Variants in BBX observed in about 807,000 individuals in gnomAD.
BBX encodes HMG box transcription factor BBX.
Under a neutral mutation model 100.2 loss-of-function variants are expected in BBX, and 30 were observed. The observed-to-expected ratio is 0.30, with a 90% CI of 0.22 to 0.41. BBX has a LOEUF of 0.41. Ranked by LOEUF, BBX falls within the 10% of genes least tolerant of loss-of-function variation. The pLI is 1.00. For synonymous variants in BBX, 376 were observed against 388.1 expected, an observed-to-expected ratio of 0.97 and a Z score of 0.37; for missense variants, 1,023 against 1,129.8, an observed-to-expected ratio of 0.91 and a Z score of 1.35.
chr3:107,732,853 T>TGTTGGATTTCTGATTGCTA, intron 6 of BBX, 103 bp from the exon 7 acceptor site: 1 of 919,884 alleles, frequency 1.1e-6, no homozygotes, highest in Non-Finnish European at 1.7e-6. Flanking sequence ...TATGTGGTTC[T>TGTTGGATTTCTGATTGCTA]GTTGGATTTC....
intron 2 of BBX, among the ~76,000 whole-genome samples, chr3:107,631,544 A>T (rs1015512892): frequency 1.9e-5 from 1 of 51,392 alleles, no homozygotes; most frequent in Non-Finnish European, 5.2e-5. Context: ...AGAATTAGTT[A>T]AAAAAAAAAA....
intron 2 of BBX, chr3:107,641,873 A>G (rs1453497422): frequency 6.6e-6 from 1 of 152,222 alleles, no homozygotes; most frequent in Non-Finnish European, 1.5e-5. Flanking sequence ...GGGTAATTTT[A>G]ACAAAAGTTT....
At chr3:107,603,214 T>C (rs1163077168) in intron 2 of BBX, among the ~76,000 whole-genome samples, 4 of 152,088 alleles carry the variant, frequency 2.6e-5, no homozygotes, top group African/African-American at 4.8e-5. Flanking sequence ...TCCACCTGCC[T>C]CGGCCTCCCA....
At chr3:107,575,963 C>G (rs999089770) in intron 2 of BBX, among the ~76,000 whole-genome samples, 1 of 152,114 alleles carries the variant, frequency 6.6e-6, no homozygotes, top group Non-Finnish European at 1.5e-5. Flanking sequence ...TTGAACCCGG[C>G]AGGTCGAGGC....
rs1182407229 is a variant in BBX, at chr3:107,773,789, T to G, written c.1915+153T>G. Among the ~76,000 whole-genome samples the G allele has an allele frequency of 6.6e-6, 1 of 152,226 alleles. No individual in the cohort carries two copies. The highest frequency in any genetic ancestry group is 1.5e-5 in the Non-Finnish European group (1 of 68,046). On this transcript the variant is annotated intron_variant, in intron 11 of 17. Coordinates refer to ENST00000325805, the MANE Select transcript of BBX (RefSeq NM_001142568.3). The surrounding 1 kb of genome is among the most constrained non-coding windows in gnomAD (Gnocchi z 4.1). ...TTTATGGTTTATAGATCATAATTAT[T>G]TGTTACTTTACTTACATGTTTTCTA... is the stretch of plus-strand genomic sequence containing the variant.
In BBX at chr3:107,801,286, G is replaced by C; in HGVS notation, c.2738+5G>C. 2.5e-6 allele frequency: 4 copies of C among 1,611,040 alleles called. No homozygotes were observed. The highest frequency in any genetic ancestry group is 3.4e-6 in the Non-Finnish European group (4 of 1,178,300). On this transcript the variant is annotated splice_donor_5th_base_variant and intron_variant, in intron 17 of 17. Transcript: ENST00000325805. ...AGCCATGGAAAATGTGCACAGGTTA[G>C]TGGTAGAAGGTGGAAGGAGAAAGCA...
intron 13 of BBX, among the ~76,000 whole-genome samples, chr3:107,783,972 A>G (rs1311325202): frequency 6.6e-6 from 1 of 152,082 alleles, no homozygotes; most frequent in Non-Finnish European, 1.5e-5. Context: ...GATTTATGGT[A>G]TCAGTAATAA....
intron 9 of BBX, among the ~76,000 whole-genome samples, chr3:107,751,788 T>G (rs2107652163): frequency 6.6e-6 from 1 of 152,274 alleles, no homozygotes; most frequent in South Asian, 2.1e-4. Flanking sequence ...TGTCTCCCAT[T>G]CCAAGGTGAG....
intron 3 of BBX, among the ~76,000 whole-genome samples, chr3:107,648,489 A>G (rs528800882): frequency 3.3e-5 from 5 of 152,154 alleles, no homozygotes; most frequent in Non-Finnish European, 7.4e-5. Context: ...ATATTATCTA[A>G]TTTGATATAG....
At chr3:107,662,465 A>G (rs1289855775) in intron 3 of BBX, 1 of 152,156 alleles carries the variant, frequency 6.6e-6, no homozygotes, top group African/African-American at 2.4e-5. Flanking sequence ...CTTTCCATAA[A>G]CATAATTGGT....
intron 2 of BBX, among the ~76,000 whole-genome samples, chr3:107,597,774 G>A (rs1235841276): frequency 6.6e-6 from 1 of 152,214 alleles, no homozygotes; most frequent in Non-Finnish European, 1.5e-5. Flanking sequence ...AAGAGTGATT[G>A]ATTAGGGCCA....
chr3:107,787,753 A>C (rs1033060276), intron 13 of BBX, among the ~76,000 whole-genome samples: 1 of 152,168 alleles, frequency 6.6e-6, no homozygotes, highest in African/African-American at 2.4e-5. Context: ...AGTGGTCTGA[A>C]GATAGTTAAG....
intron 3 of BBX, among the ~76,000 whole-genome samples, chr3:107,661,476 T>C (rs2058441137): frequency 6.6e-6 from 1 of 152,130 alleles, no homozygotes; most frequent in South Asian, 2.1e-4. Context: ...TGTGTGTAGA[T>C]GTATCTCCAA....
intron 2 of BBX, among the ~76,000 whole-genome samples, chr3:107,577,471 G>A (rs2051879494): frequency 6.6e-6 from 1 of 152,090 alleles, no homozygotes; most frequent in South Asian, 2.1e-4. Context: ...AGAATTTGAG[G>A]CCTACTTTAA....
At chr3:107,769,016 G>C (rs933965183) in intron 10 of BBX, among the ~76,000 whole-genome samples, 124 of 150,450 alleles carry the variant, frequency 8.2e-4, no homozygotes, top group African/African-American at 2.9e-3. Flanking sequence ...GCGGCGGGGG[G>C]GGGGAGCCGG....
In BBX at chr3:107,721,927, A is replaced by G. The variant is rs1184510383; in HGVS notation, c.405+5078A>G. Among the ~76,000 whole-genome samples, 3 of 151,976 alleles carry G rather than the reference A, an allele frequency of 2.0e-5. No individual in the cohort carries two copies. In the East Asian group the frequency reaches 5.8e-4, roughly 29 times the overall value. ...AATGTTGGTTTTAGGGTTATTTCTG[A>G]TAAGCAGCTTTATGTTGGTTTCTGT... On this transcript the variant is annotated intron_variant, in intron 5 of 17. Coordinates refer to ENST00000325805, the MANE Select transcript of BBX (RefSeq NM_001142568.3).
intron 6 of BBX, among the ~76,000 whole-genome samples, chr3:107,729,870 G>A (rs2063197980): frequency 6.6e-6 from 1 of 152,068 alleles, no homozygotes; most frequent in Non-Finnish European, 1.5e-5. Flanking sequence ...TTATGATTCA[G>A]TGTGTGATTC....
intron 6 of BBX, among the ~76,000 whole-genome samples, chr3:107,732,704 G>A (rs1446703184): frequency 1.3e-5 from 2 of 152,186 alleles, no homozygotes; most frequent in Non-Finnish European, 2.9e-5. Flanking sequence ...GTTACAAACA[G>A]CAATGGTATT....
At chr3:107,533,648 TTTG>T (rs1266512246) in intron 2 of BBX, among the ~76,000 whole-genome samples, 2 of 152,332 alleles carry the variant, frequency 1.3e-5, no homozygotes, top group Middle Eastern at 3.4e-3. Context: ...TGATGATTCC[TTTG>T]TTGTTGTTTT....
Sources: gnomAD v4.1 joint callset for allele counts (sites outside exome capture counted in the v4.1 genomes callset) on GRCh38, gnomAD v4.1.1 for gene constraint, Gnocchi (gnomAD v3.1) non-coding constraint, MANE v1.5 for transcripts, NCBI Gene and HGNC (gene_info 2026-07-23, HGNC 2026-07-21) for gene names.